Variants in GRID2 observed in about 807,000 individuals in gnomAD.
GRID2 encodes glutamate receptor ionotropic, delta-2.
GRID2 carries 33 observed loss-of-function variants against 114.8 expected under a neutral mutation model. The ratio of observed to expected loss-of-function variants is 0.29; its 90% CI spans 0.22 to 0.38. The LOEUF (loss-of-function observed/expected upper bound fraction) is 0.38. Among genes scored for constraint, GRID2 ranks in the 10% least tolerant of loss-of-function variants. The pLI is 1.00. For synonymous variants in GRID2, 505 were observed against 449.9 expected, an observed-to-expected ratio of 1.12 and a Z score of -1.55; for missense variants, 1,184 against 1,257.7, an observed-to-expected ratio of 0.94 and a Z score of 0.89.
intron 2 of GRID2, among the ~76,000 whole-genome samples, chr4:92,590,779 T>C (rs1473829401): frequency 2.0e-5 from 3 of 152,164 alleles, no homozygotes; most frequent in Admixed American, 1.3e-4. Flanking sequence ...TAAATTTTAC[T>C]CTCTACGAGG....
intron 14 of GRID2, among the ~76,000 whole-genome samples, chr4:93,719,022 T>C (rs543896970): frequency 6.6e-6 from 1 of 152,030 alleles, no homozygotes; most frequent in Admixed American, 6.6e-5. Context: ...CTTTGAAAGC[T>C]TTTGGATGAT....
intron 1 of GRID2, among the ~76,000 whole-genome samples, chr4:92,502,799 C>A (rs1723754891): frequency 6.7e-6 from 1 of 148,440 alleles, no homozygotes; most frequent in African/African-American, 2.5e-5. Context: ...CTCACTGCAA[C>A]CTCCGCCTCC....
At chr4:93,054,499 A>T (rs1727039160) in intron 2 of GRID2, among the ~76,000 whole-genome samples, 1 of 151,906 alleles carries the variant, frequency 6.6e-6, no homozygotes. Context: ...AGCCTGGTTT[A>T]TATTTGCTGA....
chr4:93,164,348 G>A (rs576611730), intron 4 of GRID2, among the ~76,000 whole-genome samples: 2 of 152,144 alleles, frequency 1.3e-5, no homozygotes, highest in Admixed American at 1.3e-4. Flanking sequence ...AAGTGAGTAA[G>A]GATAGCAGCA....
intron 2 of GRID2, among the ~76,000 whole-genome samples, chr4:92,758,948 C>G (rs577159863): frequency 2.6e-5 from 4 of 152,190 alleles, no homozygotes; most frequent in African/African-American, 7.2e-5. Context: ...TTTCTGCAAA[C>G]AAATATGGAA....
intron 1 of GRID2, among the ~76,000 whole-genome samples, chr4:92,463,386 A>G (rs1035410735): frequency 6.6e-5 from 10 of 151,940 alleles, no homozygotes; most frequent in Non-Finnish European, 2.9e-5. Flanking sequence ...TTTGACTAAC[A>G]TTTTTTGAAC....
chr4:92,633,427 T>C (rs951592451), intron 2 of GRID2, among the ~76,000 whole-genome samples: 5 of 152,088 alleles, frequency 3.3e-5, no homozygotes, highest in Admixed American at 2.0e-4. Context: ...AAGAGCCAGA[T>C]GGAGAGGTTG....
intron 14 of GRID2, among the ~76,000 whole-genome samples, chr4:93,761,382 A>T (rs1733194296): frequency 6.6e-6 from 1 of 152,200 alleles, no homozygotes; most frequent in Non-Finnish European, 1.5e-5. Flanking sequence ...TTTCCAAAAT[A>T]AGTCAGAAAC....
chr4:93,780,880 A>C (rs979891272), intron 1 of GRID2, among the ~76,000 whole-genome samples: 26 of 152,342 alleles, frequency 1.7e-4, no homozygotes, highest in African/African-American at 4.8e-4. Context: ...GAAGAAAAAG[A>C]GGCCAATTAA....
At chr4:93,386,723 C>T (rs1003613086) in intron 8 of GRID2, among the ~76,000 whole-genome samples, 1 of 151,978 alleles carries the variant, frequency 6.6e-6, no homozygotes, top group African/African-American at 2.4e-5. Context: ...GTTTTATGGA[C>T]CTAAGGGCAG....
At chr4:93,117,730 T>A (rs999890474) in intron 4 of GRID2, among the ~76,000 whole-genome samples, 2 of 152,164 alleles carry the variant, frequency 1.3e-5, no homozygotes, top group African/African-American at 2.4e-5. Context: ...TGGTCTAGTG[T>A]CCCTAAGCAC....
At chr4:93,259,717 CTA>C (rs1385940598) in intron 8 of GRID2, among the ~76,000 whole-genome samples, 1 of 151,712 alleles carries the variant, frequency 6.6e-6, no homozygotes, top group African/African-American at 2.4e-5. Context: ...AGTTCAAAAA[CTA>C]TGTTTTTTCA....
At chr4:93,502,972 A>G (rs1302117762) in intron 12 of GRID2, among the ~76,000 whole-genome samples, 1 of 152,062 alleles carries the variant, frequency 6.6e-6, no homozygotes, top group South Asian at 2.1e-4. Flanking sequence ...TGTGGAGCAC[A>G]TTTGCAAAAC....
intron 2 of GRID2, among the ~76,000 whole-genome samples, chr4:92,980,240 CT>C (rs778559337): frequency 1.3e-4 from 19 of 151,924 alleles, no homozygotes; most frequent in Admixed American, 6.6e-4. Flanking sequence ...AGTAGAGTTC[CT>C]TTTTAAAAAT....
chr4:93,234,594 CAA>C (rs1746546924), intron 7 of GRID2, among the ~76,000 whole-genome samples: 1 of 150,562 alleles, frequency 6.6e-6, no homozygotes, highest in African/African-American at 2.4e-5. Context: ...CATGGCAACT[CAA>C]ATTTTCCTAG....
chr4:92,945,949 C>G (rs545763073), intron 2 of GRID2, among the ~76,000 whole-genome samples: 1 of 152,034 alleles, frequency 6.6e-6, no homozygotes. Context: ...GTTTTATTAG[C>G]GCATGCCTTT....
chr4:92,945,866 T>C (rs1751587441), intron 2 of GRID2, among the ~76,000 whole-genome samples: 1 of 152,082 alleles, frequency 6.6e-6, no homozygotes, highest in African/African-American at 2.4e-5. Flanking sequence ...CTAAGTGTAT[T>C]TTAGGAAAGA....
At chr4:92,937,007 C>A (rs1171276966) in intron 2 of GRID2, among the ~76,000 whole-genome samples, 1 of 145,914 alleles carries the variant, frequency 6.9e-6, no homozygotes, top group African/African-American at 2.4e-5. Flanking sequence ...TCTTCAAGTC[C>A]TTGGTCCACT....
intron 2 of GRID2, among the ~76,000 whole-genome samples, chr4:92,990,303 ATATG>A (rs34750737): frequency 0.082 from 11,225 of 137,270 alleles, 866 homozygotes; most frequent in African/African-American, 0.16. Context: ...ATATATATAT[ATATG>A]TGTGTGTGTG....
Sources: gnomAD v4.1 joint callset for allele counts (sites outside exome capture counted in the v4.1 genomes callset) on GRCh38, gnomAD v4.1.1 for gene constraint, MANE v1.5 for transcripts, NCBI Gene and HGNC (gene_info 2026-07-23, HGNC 2026-07-21) for gene names.